Variants in INTS7 observed in about 807,000 individuals in gnomAD.
INTS7 encodes the protein integrator complex subunit 7, also known as chromosome 1 open reading frame 73.
Under a neutral mutation model 109.2 loss-of-function variants are expected in INTS7, and 46 were observed. The observed-to-expected ratio is 0.42, with a 90% confidence interval of 0.33 to 0.54. The LOEUF (loss-of-function observed/expected upper bound fraction) is 0.54, where lower values mean the gene tolerates loss of function less well. Ranked by LOEUF, INTS7 falls within the 20% of genes least tolerant of loss-of-function variation. The pLI is 0.07. For missense variants in INTS7, 929 were observed against 1,132.4 expected, an observed-to-expected ratio of 0.82 and a Z score of 2.58; for synonymous variants, 412 against 402.9, an observed-to-expected ratio of 1.02 and a Z score of -0.27.
intron 7 of INTS7, among the ~76,000 whole-genome samples, chr1:212,006,241 G>A (rs1282481641): frequency 1.3e-5 from 2 of 152,136 alleles, no homozygotes; most frequent in Admixed American, 6.6e-5. Context: ...CAGGAAGAGA[G>A]AAATATATTT....
At chr1:211,949,896 T>C (rs528706442) in intron 17 of INTS7, among the ~76,000 whole-genome samples, 1 of 152,330 alleles carries the variant, frequency 6.6e-6, no homozygotes, top group South Asian at 2.1e-4. Context: ...ATTTCATGCC[T>C]CTGCTTTTGA....
rs372661933 is a variant in INTS7, at chr1:212,024,177, T to G, written c.95-2965A>C. Reference sequence around the variant, plus strand: ...TTTTGTTAGTTTGCTTAGGATTGGTTTGGCTATTTACGCTCTTTTTTGGTT... The same window carrying G: ...TTTTGTTAGTTTGCTTAGGATTGGTGTGGCTATTTACGCTCTTTTTTGGTT... On this transcript the variant is annotated intron_variant, in intron 1 of 19. Coordinates refer to ENST00000366994, the MANE Select transcript of INTS7 (RefSeq NM_015434.4). 1.8e-4 allele frequency among the ~76,000 whole-genome samples: 28 copies of G among 152,344 alleles called. 1 individual carries two copies. Among genetic ancestry groups the G allele is most frequent in the African/African-American group, 6.3e-4 (26 of 41,582 alleles).
At chr1:211,971,740 ACC>A (rs1486135669) in intron 13 of INTS7, among the ~76,000 whole-genome samples, 3 of 152,070 alleles carry the variant, frequency 2.0e-5, no homozygotes, top group Non-Finnish European at 4.4e-5. Context: ...ACATGGTGAA[ACC>A]CTGTCTCTAC....
At chr1:212,017,154 A>C in intron 3 of INTS7, 131 bp from the exon 4 acceptor site, 1 of 603,790 alleles carries the variant, frequency 1.7e-6, no homozygotes. Flanking sequence ...CAGTTAATAA[A>C]GCATAACTTT....
chr1:212,032,086 C>T (rs989910027), intron 1 of INTS7, among the ~76,000 whole-genome samples: 1 of 152,206 alleles, frequency 6.6e-6, no homozygotes, highest in Non-Finnish European at 1.5e-5. Flanking sequence ...TACATCCTCC[C>T]AGTAGCTCAT....
At chr1:212,006,570 G>T in intron 7 of INTS7, 69 bp downstream of exon 7, 1 of 726,656 alleles carries the variant, frequency 1.4e-6, no homozygotes, top group Non-Finnish European at 2.0e-6. Flanking sequence ...ATATAAAAAT[G>T]CAAAACATTT....
chr1:211,969,662 C>A (rs1456689137), intron 13 of INTS7, among the ~76,000 whole-genome samples: 1 of 149,090 alleles, frequency 6.7e-6, no homozygotes. Context: ...CTCAAATTAT[C>A]CCCCCACCTG....
chr1:211,983,546 A>G (rs1478532392), intron 8 of INTS7, among the ~76,000 whole-genome samples: 1 of 152,214 alleles, frequency 6.6e-6, no homozygotes, highest in Non-Finnish European at 1.5e-5. Flanking sequence ...CTCAGTTATA[A>G]CTGAATAAGC....
intron 1 of INTS7, among the ~76,000 whole-genome samples, chr1:212,031,150 A>G (rs1334046039): frequency 6.6e-6 from 1 of 152,128 alleles, no homozygotes; most frequent in Non-Finnish European, 1.5e-5. Context: ...TCTCTTCCCC[A>G]TTGCTTTCAT....
chr1:211,961,292 G>C (rs1220752026), intron 16 of INTS7, among the ~76,000 whole-genome samples: 7 of 151,606 alleles, frequency 4.6e-5, no homozygotes, highest in Admixed American at 4.6e-4. Context: ...GATTCTCCAA[G>C]GTCGCAATGA....
rs1667406460 is a variant in INTS7, at chr1:212,035,544, T to G, written c.-107A>C. 3 of 887,586 alleles carry G rather than the reference T, an allele frequency of 3.4e-6. No individual in the cohort carries two copies. Among genetic ancestry groups the G allele is most frequent in the East Asian group, 2.5e-5 (1 of 40,778 alleles). The allele number at this position is 887,586 out of a possible 1,614,324, so 55.0% of individuals were successfully genotyped here. On this transcript the variant is annotated 5_prime_UTR_variant, in exon 1 of 20. Transcript: ENST00000366994. ...TTGCTGGTTTTTCTTCCGCGCGCTG[T>G]CAAGCCCTGTTACGCATGCGCCCTG...
intron 17 of INTS7, among the ~76,000 whole-genome samples, chr1:211,947,193 C>T (rs763693697): frequency 5.3e-5 from 8 of 152,020 alleles, no homozygotes; most frequent in African/African-American, 4.8e-5. Flanking sequence ...GAAACTTGGT[C>T]GAATTCAGAT....
intron 3 of INTS7, among the ~76,000 whole-genome samples, chr1:212,018,294 G>A (rs1308773561): frequency 6.6e-6 from 1 of 151,528 alleles, no homozygotes; most frequent in Non-Finnish European, 1.5e-5. Context: ...AAGCTTTCTA[G>A]AGATCGCTGG....
At chr1:212,016,162 A>C (rs1264950340) in intron 4 of INTS7, among the ~76,000 whole-genome samples, 2 of 152,236 alleles carry the variant, frequency 1.3e-5, no homozygotes, top group Non-Finnish European at 2.9e-5. Context: ...CACTACAACC[A>C]GCATCCATAC....
intron 7 of INTS7, among the ~76,000 whole-genome samples, chr1:211,997,528 GAAAAAAA>G (rs71137714): frequency 1.5e-4 from 9 of 58,960 alleles, no homozygotes; most frequent in Non-Finnish European, 2.1e-4. Flanking sequence ...TCTCCAAACA[GAAAAAAA>G]AAAAAAAAAA....
At position 211,968,706 on chromosome 1, in the gene INTS7, G is replaced by A; in HGVS notation, c.1817C>T (p.Ala606Val). Reference protein sequence around the residue: ...FYHKGIASLTAASTPLNPLSF... With the variant: ...FYHKGIASLTVASTPLNPLSF... ...TAAAGGATTCAGTGGTGTACTAGCT[G>A]CCTGGGAAAAAAAAAAAAAAGAGAT... Residue 606 changes from alanine (A) to valine (V), a missense_variant and splice_region_variant, in exon 14 of 20, where the codon GCA becomes GTA. Ala to Val is a moderately conservative substitution (Grantham distance 64). This residue lies in a region of INTS7 where 787 missense variants were observed against 901.1 expected (regional missense o/e 0.87). Transcript: ENST00000366994. The A allele has an allele frequency of 6.5e-7, 1 of 1,541,934 alleles. No individual in the cohort carries two copies. The highest frequency in any genetic ancestry group is 2.1e-5 in the Admixed American group (1 of 48,546).
Position 211,964,221 on chromosome 1 carries a change from A to T in INTS7, c.2183+2209T>A, listed in dbSNP as rs557652262. 5.9e-5 allele frequency among the ~76,000 whole-genome samples: 9 copies of T among 152,336 alleles called. 1 individual carries two copies. In the South Asian group the frequency reaches 1.9e-3, roughly 32 times the overall value. On this transcript the variant is annotated intron_variant, in intron 16 of 19. Coordinates refer to ENST00000366994, the MANE Select transcript of INTS7 (RefSeq NM_015434.4). ...CAGTCGAGCTGAAAGCCAAATCAGG[A>T]ATGCATTCCCATTCATGACTGTCAC...
At chr1:211,986,703 T>A (rs1390731775) in intron 8 of INTS7, among the ~76,000 whole-genome samples, 1 of 152,134 alleles carries the variant, frequency 6.6e-6, no homozygotes, top group Non-Finnish European at 1.5e-5. Context: ...CATATCCCCA[T>A]TCTCTCATAT....
chr1:211,942,245 T>G lies in INTS7; in HGVS notation c.2602-134A>C. On this transcript the variant is annotated intron_variant, in intron 19 of 19. Coordinates refer to ENST00000366994, the MANE Select transcript of INTS7 (RefSeq NM_015434.4). This position sits in a 1 kb window ranked among gnomAD's most constrained non-coding sequence, Gnocchi z 4.2. ...AATTAGGTACTGCTATCATCCTTGC[T>G]TCACCGATGAGGAGTCTAAGGCAGA... 1.1e-6 allele frequency: 1 copy of G among 911,358 alleles called. No homozygotes were observed. The highest frequency in any genetic ancestry group is 1.7e-6 in the Non-Finnish European group (1 of 599,052). The allele number at this position is 911,358 out of a possible 1,614,324, so 56.5% of individuals were successfully genotyped here.
Sources: allele counts gnomAD v4.1 joint callset (sites outside exome capture counted in the v4.1 genomes callset), GRCh38; gene constraint gnomAD v4.1.1; regional missense constraint gnomAD v4.1.1; non-coding constraint Gnocchi (gnomAD v3.1); transcripts MANE v1.5; gene names NCBI Gene and HGNC (gene_info 2026-07-23, HGNC 2026-07-21).